The following SGCD variants were observed in gnomAD, a reference collection of about 807,000 sequenced individuals.
SGCD encodes the protein sarcoglycan delta, also known as delta-sarcoglycan.
SGCD carries 18 observed loss-of-function variants against 36.6 expected under a neutral mutation model. The observed-to-expected ratio is 0.49, with a 90% CI of 0.34 to 0.73. The LOEUF is 0.73. SGCD is among the 30% of genes least tolerant of loss of function. The pLI, the probability that SGCD is intolerant of heterozygous loss-of-function variation, is 0.01. For missense variants in SGCD, 387 were observed against 346.7 expected, an observed-to-expected ratio of 1.12 and a Z score of -0.92; for synonymous variants, 133 against 130.6, an observed-to-expected ratio of 1.02 and a Z score of -0.12.
At chr5:156,190,049 A>G (rs1056893005) in intron 3 of SGCD, among the ~76,000 whole-genome samples, 2 of 152,160 alleles carry the variant, frequency 1.3e-5, no homozygotes, top group Non-Finnish European at 2.9e-5. Context: ...TGAAAGACCT[A>G]CATATGGGCA....
intron 4 of SGCD, among the ~76,000 whole-genome samples, chr5:156,587,099 T>G (rs952250345): frequency 1.3e-5 from 2 of 152,238 alleles, no homozygotes. Flanking sequence ...GCTCACACTC[T>G]GAACCTTTAC....
intron 3 of SGCD, among the ~76,000 whole-genome samples, chr5:156,152,831 C>A (rs548312927): frequency 6.6e-6 from 1 of 151,622 alleles, no homozygotes; most frequent in East Asian, 1.9e-4. Flanking sequence ...CCAAAGTATC[C>A]TTTGACCAAT....
At chr5:156,019,939 C>T (rs902626890) in intron 1 of SGCD, among the ~76,000 whole-genome samples, 2 of 152,256 alleles carry the variant, frequency 1.3e-5, no homozygotes, top group African/African-American at 4.8e-5. Context: ...TACTTATGCA[C>T]CTTCTCTAAA....
chr5:156,646,364 A>G (rs927762989), intron 6 of SGCD, among the ~76,000 whole-genome samples: 1 of 152,180 alleles, frequency 6.6e-6, no homozygotes, highest in Admixed American at 6.5e-5. Flanking sequence ...CAATAATTTA[A>G]TACTCCCATA....
intron 7 of SGCD, among the ~76,000 whole-genome samples, chr5:156,662,819 C>T (rs200372635): frequency 7.6e-3 from 1,050 of 137,820 alleles, no homozygotes; most frequent in African/African-American, 0.02. Flanking sequence ...AGAACGAAGG[C>T]TCAATGTGAC....
intron 2 of SGCD, among the ~76,000 whole-genome samples, chr5:156,332,864 T>C (rs115037475): frequency 6.6e-6 from 1 of 152,194 alleles, no homozygotes; most frequent in African/African-American, 2.4e-5. Flanking sequence ...CCTCTCCTGT[T>C]TGAATATTGT....
chr5:156,718,094 C>A lies in SGCD; in HGVS notation c.576-39487C>A, dbSNP rs143325323. 2.0e-5 allele frequency among the ~76,000 whole-genome samples: 3 copies of A among 152,240 alleles called. No homozygotes were observed. The East Asian group carries it at 5.8e-4, about 29-fold the overall frequency. ...TTTCTCTGTGTTGGCCTCTCCATTT[C>A]TCTTCCAAAGATGCTTACTGTTCAC... On this transcript the variant is annotated intron_variant, in intron 7 of 8. Transcript: ENST00000337851.
chr5:156,125,609 A>C (rs550719739), intron 3 of SGCD, among the ~76,000 whole-genome samples: 1 of 152,084 alleles, frequency 6.6e-6, no homozygotes, highest in African/African-American at 2.4e-5. Context: ...TTTTTTTTAC[A>C]AAGTAGATTA....
chr5:155,870,411 C>T (rs1363097485), exon 1 of SGCD: 3 of 152,172 alleles, frequency 2.0e-5, no homozygotes, highest in Non-Finnish European at 2.9e-5. Flanking sequence ...TCTTGAGCAT[C>T]GATGAATTAG....
chr5:156,110,183 T>G (rs1761749136), intron 1 of SGCD, among the ~76,000 whole-genome samples: 1 of 152,182 alleles, frequency 6.6e-6, no homozygotes, highest in African/African-American at 2.4e-5. Flanking sequence ...CCTGCTGCCT[T>G]GGATAAGTTG....
intron 1 of SGCD, among the ~76,000 whole-genome samples, chr5:155,912,481 C>T (rs1340917365): frequency 3.3e-5 from 5 of 152,142 alleles, no homozygotes; most frequent in South Asian, 2.1e-4. Context: ...AAATGGCATT[C>T]GAAACTAGTC....
chr5:155,790,424 C>A, the SGCD span, among the ~76,000 whole-genome samples: 1 of 151,918 alleles, frequency 6.6e-6, no homozygotes, highest in East Asian at 1.9e-4. Flanking sequence ...AGCATGGAGA[C>A]AATGACCAGA....
At chr5:156,652,438 G>A (rs182211) in intron 7 of SGCD, among the ~76,000 whole-genome samples, 139,766 of 152,258 alleles carry the variant, frequency 0.92, 64,318 homozygotes, top group East Asian at 0.99. Context: ...GCAGTTAGCT[G>A]TGATCACACC....
At position 156,354,084 on chromosome 5, in the gene SGCD, TTAAG is replaced by T. The variant is rs541317787; in HGVS notation, c.192+9410_192+9413del. Among the ~76,000 whole-genome samples, 43 of 152,342 alleles carry T rather than the reference TTAAG, an allele frequency of 2.8e-4. No homozygotes were observed. The South Asian group carries it at 8.3e-3, about 29-fold the overall frequency. ...GATTAGAATAAAACAATTCTATACT[TTAAG>T]TACTCATAATTTACTAGGGAAGAAA... On this transcript the variant is annotated intron_variant, in intron 3 of 8. Coordinates refer to ENST00000337851, the MANE Select transcript of SGCD (RefSeq NM_000337.6).
chr5:155,928,846 C>T (rs945039563), intron 1 of SGCD, among the ~76,000 whole-genome samples: 3 of 151,990 alleles, frequency 2.0e-5, no homozygotes, highest in Admixed American at 6.6e-5. Context: ...TATGCAACAA[C>T]CAAAGCAAGC....
At chr5:156,516,218 G>T (rs961929963) in intron 4 of SGCD, among the ~76,000 whole-genome samples, 1 of 147,434 alleles carries the variant, frequency 6.8e-6, no homozygotes, top group Non-Finnish European at 1.5e-5. Flanking sequence ...CTGACTAGGT[G>T]AGACCCCCCA....
chr5:156,419,282 T>C (rs1773193858), intron 3 of SGCD, among the ~76,000 whole-genome samples: 1 of 152,274 alleles, frequency 6.6e-6, no homozygotes, highest in Middle Eastern at 3.4e-3. Context: ...AGCAAAAGAA[T>C]GGGAGTGTTT....
chr5:156,421,982 T>A (rs1336335609), intron 3 of SGCD, among the ~76,000 whole-genome samples: 1 of 152,048 alleles, frequency 6.6e-6, no homozygotes, highest in Non-Finnish European at 1.5e-5. Flanking sequence ...TTTGGAAACA[T>A]ACACCTTCCA....
At chr5:156,236,982 C>A (rs992669470) in intron 3 of SGCD, among the ~76,000 whole-genome samples, 3 of 151,892 alleles carry the variant, frequency 2.0e-5, no homozygotes, top group Non-Finnish European at 4.4e-5. Flanking sequence ...TACAGGCAGG[C>A]ACCACCATGC....
Sources: allele counts gnomAD v4.1 joint callset (sites outside exome capture counted in the v4.1 genomes callset), GRCh38; gene constraint gnomAD v4.1.1; transcripts MANE v1.5; gene names NCBI Gene and HGNC (gene_info 2026-07-23, HGNC 2026-07-21).